The following MPPED1 variants were observed in gnomAD, a reference collection of about 807,000 sequenced individuals.
The protein encoded by MPPED1 is metallophosphoesterase domain-containing protein 1.
A neutral mutation model predicts 36.2 loss-of-function variants in MPPED1; 16 were observed. The ratio of observed to expected loss-of-function variants is 0.44; its 90% CI spans 0.30 to 0.67. The LOEUF is 0.67. MPPED1 is among the 30% of genes least tolerant of loss of function. MPPED1 has a pLI of 0.10. For synonymous variants in MPPED1, 199 were observed against 191.3 expected, an observed-to-expected ratio of 1.04 and a Z score of -0.33; for missense variants, 307 against 453.4, an observed-to-expected ratio of 0.68 and a Z score of 2.93.
chr22:43,456,723 T>C (rs1489428942), intron 3 of MPPED1, among the ~76,000 whole-genome samples: 1 of 152,226 alleles, frequency 6.6e-6, no homozygotes, highest in Non-Finnish European at 1.5e-5. Context: ...CTTGAACTCC[T>C]GGCCTCAAAT....
intron 4 of MPPED1, among the ~76,000 whole-genome samples, chr22:43,478,661 G>A (rs535186697): frequency 1.3e-5 from 2 of 152,278 alleles, no homozygotes; most frequent in South Asian, 2.1e-4. Context: ...TGTGGCTTCC[G>A]GGGGCCTGGG....
intron 3 of MPPED1, among the ~76,000 whole-genome samples, chr22:43,439,892 T>C (rs982091564): frequency 5.3e-5 from 8 of 152,220 alleles, no homozygotes; most frequent in African/African-American, 1.9e-4. Context: ...CCTCCAGAGC[T>C]GCCCCTTGTG....
In MPPED1 at chr22:43,505,843, C is replaced by A; in HGVS notation, c.*227C>A. 1.9e-6 allele frequency: 1 copy of A among 530,120 alleles called. No homozygotes were observed. The highest frequency in any genetic ancestry group is 3.1e-5 in the East Asian group (1 of 32,614). 32.8% of individuals were successfully genotyped at this position (530,120 alleles called of 1,614,324 possible). ...TGCTCATTTACTTTTTCTGCGTGTACATCCTGCGTGTACCTCGTTAAAGGA... is the reference window on the plus strand; with the variant it reads ...TGCTCATTTACTTTTTCTGCGTGTAAATCCTGCGTGTACCTCGTTAAAGGA... On this transcript the variant is annotated 3_prime_UTR_variant, in exon 7 of 7. Transcript: ENST00000443721.
In MPPED1 at chr22:43,495,470, A is replaced by ATGGTGGAGGTGGTGGTGG. The variant is rs1569088567; in HGVS notation, c.633-2764_633-2747dup. The stretch of plus-strand genomic sequence containing the variant: ...GGAGGTGGTGGTGGAAGTGCTGGTG[A>ATGGTGGAGGTGGTGGTGG]TGGTGGAGGTGGTGGTGGAGGTAGT... On this transcript the variant is annotated intron_variant, in intron 4 of 6. Transcript: ENST00000443721. Among the ~76,000 whole-genome samples, 8 of 49,968 alleles carry ATGGTGGAGGTGGTGGTGG rather than the reference A, an allele frequency of 1.6e-4. 1 individual carries two copies. The highest frequency in any genetic ancestry group is 1.7e-3 in the East Asian group (2 of 1,194). The allele number at this position is 49,968 out of a possible 152,430, so 32.8% of individuals were successfully genotyped here.
At chr22:43,421,343 C>T (rs541558909) in intron 1 of MPPED1, among the ~76,000 whole-genome samples, 3 of 152,356 alleles carry the variant, frequency 2.0e-5, no homozygotes, top group Admixed American at 6.5e-5. Flanking sequence ...GGGCCCGTTG[C>T]GAACCCCCTT....
intron 3 of MPPED1, among the ~76,000 whole-genome samples, chr22:43,452,306 G>A (rs896119294): frequency 1.3e-5 from 2 of 152,094 alleles, no homozygotes; most frequent in African/African-American, 2.4e-5. Flanking sequence ...GAGCCAATGC[G>A]CCCAGCTGAT....
At chr22:43,497,814 G>A (rs1932468995) in intron 4 of MPPED1, among the ~76,000 whole-genome samples, 6 of 150,328 alleles carry the variant, frequency 4.0e-5, no homozygotes, top group Admixed American at 4.0e-4. Context: ...GAGGATGGAG[G>A]GGCATCTTCC....
intron 4 of MPPED1, among the ~76,000 whole-genome samples, chr22:43,486,081 A>T (rs2146898781): frequency 6.6e-6 from 1 of 152,348 alleles, no homozygotes; most frequent in East Asian, 1.9e-4. Flanking sequence ...AGGACAGAGG[A>T]AGTTCGGACA....
Position 43,472,159 on chromosome 22 carries a change from A to G in MPPED1, c.407-2577A>G, listed in dbSNP as rs1356506280. Among the ~76,000 whole-genome samples, 3 of 152,202 alleles carry G rather than the reference A, an allele frequency of 2.0e-5. No individual in the cohort carries two copies. The East Asian group carries it at 5.8e-4, about 29-fold the overall frequency. On this transcript the variant is annotated intron_variant, in intron 3 of 6. Transcript: ENST00000443721. ...TGACTGGACCAGTTAAATTGTATTT[A>G]TTTCTTTATTTTTAGAAAACAGAAG...
intron 4 of MPPED1, among the ~76,000 whole-genome samples, chr22:43,486,706 C>T (rs1214143206): frequency 6.6e-6 from 1 of 152,006 alleles, no homozygotes. Flanking sequence ...AGCACTCAGC[C>T]TGCACCCCGG....
At chr22:43,412,413 CTT>C (rs1244890056) in intron 1 of MPPED1, among the ~76,000 whole-genome samples, 25 of 152,086 alleles carry the variant, frequency 1.6e-4, no homozygotes, top group Non-Finnish European at 3.5e-4. Flanking sequence ...GTCAGCGAAA[CTT>C]TTCCCTTGCT....
rs141957082 is a variant in MPPED1, at chr22:43,455,459, T to A, written c.407-19277T>A. On this transcript the variant is annotated intron_variant, in intron 3 of 6. Transcript: ENST00000443721. The stretch of plus-strand genomic sequence containing the variant: ...CAGTCATTGGATTAGAGCCCTCTCA[T>A]ATGACCTAATTTTACCTGAATTACC... Among the ~76,000 whole-genome samples the A allele has an allele frequency of 5.2e-3, 797 of 152,262 alleles. 31 individuals carry two copies. The highest frequency in any genetic ancestry group is 0.046 in the Admixed American group (705 of 15,290).
chr22:43,497,054 G>GT (rs1361213737), intron 4 of MPPED1, among the ~76,000 whole-genome samples: 2 of 145,882 alleles, frequency 1.4e-5, no homozygotes, highest in African/African-American at 5.1e-5. Context: ...AGTGGTGGTG[G>GT]AGATGGTGGT....
intron 6 of MPPED1, 61 bp from the exon 7 acceptor site, chr22:43,505,437 C>A: frequency 1.4e-6 from 2 of 1,457,310 alleles, no homozygotes; most frequent in Non-Finnish European, 1.9e-6. Flanking sequence ...GACTGCCACA[C>A]CCCCCTGGCC....
chr22:43,481,365 G>A (rs1210949543), intron 4 of MPPED1, among the ~76,000 whole-genome samples: 1 of 152,108 alleles, frequency 6.6e-6, no homozygotes, highest in Non-Finnish European at 1.5e-5. Flanking sequence ...ATTCAGTGTA[G>A]GACCGCCCTG....
In MPPED1 at chr22:43,506,988, T is replaced by G. The variant is rs796155544; in HGVS notation, c.*1372T>G. 6 of 152,232 alleles carry G rather than the reference T, an allele frequency of 3.9e-5. No individual in the cohort carries two copies. Among genetic ancestry groups the G allele is most frequent in the African/African-American group, 1.4e-4 (6 of 41,540 alleles). The allele number at this position is 152,232 out of a possible 1,614,324, so 9.4% of individuals were successfully genotyped here. A position where few individuals can be genotyped will look rare whatever the true frequency, so the allele number is the denominator to read the frequency against. Reference sequence around the variant, plus strand: ...GAAGGGTGTCACTCCCTCACCCAGGTCCCAGCCCTGGGAACCAGCCTACCG... The same window carrying G: ...GAAGGGTGTCACTCCCTCACCCAGGGCCCAGCCCTGGGAACCAGCCTACCG... On this transcript the variant is annotated 3_prime_UTR_variant, in exon 7 of 7. Coordinates refer to ENST00000443721, the MANE Select transcript of MPPED1 (RefSeq NM_001044370.2).
intron 1 of MPPED1, chr22:43,416,485 C>T (rs1929078968): frequency 6.6e-6 from 1 of 152,246 alleles, no homozygotes; most frequent in Non-Finnish European, 1.5e-5. Flanking sequence ...GCAACCACAG[C>T]CCTCTAGCCT....
chr22:43,473,166 C>T (rs1931433569), intron 3 of MPPED1, among the ~76,000 whole-genome samples: 1 of 152,236 alleles, frequency 6.6e-6, no homozygotes, highest in Non-Finnish European at 1.5e-5. Flanking sequence ...GGAAAAGGCT[C>T]TGCTGTTCCT....
At chr22:43,484,155 G>A (rs1931837676) in intron 4 of MPPED1, among the ~76,000 whole-genome samples, 1 of 152,246 alleles carries the variant, frequency 6.6e-6, no homozygotes, top group South Asian at 2.1e-4. Context: ...GCACAAGGCT[G>A]GCCTTTCCCA....
Sources: gnomAD v4.1 joint callset for allele counts (sites outside exome capture counted in the v4.1 genomes callset) on GRCh38, gnomAD v4.1.1 for gene constraint, MANE v1.5 for transcripts, NCBI Gene and HGNC (gene_info 2026-07-23, HGNC 2026-07-21) for gene names.